The following SUN5 variants were observed in gnomAD, a reference collection of about 807,000 sequenced individuals.
The protein encoded by SUN5 is SUN domain-containing protein 5.
Under a neutral mutation model 53.7 loss-of-function variants are expected in SUN5, and 44 were observed. The observed-to-expected ratio is 0.82, with a 90% CI of 0.64 to 1.05. SUN5 has a LOEUF of 1.05. Ranked by LOEUF, SUN5 falls within the 50% of genes least tolerant of loss-of-function variation. The pLI is 0.00. For missense variants in SUN5, 433 were observed against 483.8 expected, an observed-to-expected ratio of 0.90 and a Z score of 0.98; for synonymous variants, 166 against 179.8, an observed-to-expected ratio of 0.92 and a Z score of 0.62.
chr20:33,001,349 C>G, intron 3 of SUN5, 71 bp from the exon 4 acceptor site: 1 of 1,525,090 alleles, frequency 6.6e-7, no homozygotes, highest in Non-Finnish European at 8.9e-7. Context: ...ACCTGCTGAC[C>G]TTTCTGGGGC....
intron 7 of SUN5, among the ~76,000 whole-genome samples, 189 bp from the exon 8 acceptor site, chr20:32,995,916 G>C (rs1989834972): frequency 6.6e-6 from 1 of 152,048 alleles, no homozygotes; most frequent in South Asian, 2.1e-4. Flanking sequence ...CTTTCTGCTT[G>C]GAATATCTTT....
At chr20:32,989,143 T>C (rs111442830) in intron 9 of SUN5, among the ~76,000 whole-genome samples, 2,675 of 152,054 alleles carry the variant, frequency 0.018, 73 homozygotes, top group African/African-American at 0.06. Flanking sequence ...GCCAGGATGG[T>C]CTCGATCTCC....
intron 8 of SUN5, 85 bp downstream of exon 8, chr20:32,995,534 C>A: frequency 8.4e-7 from 1 of 1,196,912 alleles, no homozygotes; most frequent in Non-Finnish European, 1.2e-6. Flanking sequence ...AGAGATAAAA[C>A]CAAGAAAGAA....
At chr20:32,991,457 A>G (rs73253084) in intron 8 of SUN5, among the ~76,000 whole-genome samples, 2,734 of 152,362 alleles carry the variant, frequency 0.018, 59 homozygotes, top group East Asian at 0.05. Context: ...TAAATTGACC[A>G]GAGTCACACA....
intron 6 of SUN5, among the ~76,000 whole-genome samples, chr20:32,996,567 T>C (rs1045149706): frequency 5.9e-5 from 9 of 152,084 alleles, no homozygotes; most frequent in Non-Finnish European, 1.0e-4. Flanking sequence ...TATCCATCCA[T>C]CCACACCTTC....
At position 32,983,829 on chromosome 20, in the gene SUN5, G is replaced by C. The variant is rs1989457635; in HGVS notation, c.1105C>G (p.Gln369Glu). The change falls in exon 13 of 13, where the codon CAG (glutamine) becomes GAG (glutamate). Residue 369 changes from glutamine (Q) to glutamate (E), a missense_variant. By Grantham distance (29) the Gln-to-Glu change is conservative. Coordinates refer to ENST00000356173, the MANE Select transcript of SUN5 (RefSeq NM_080675.4). ...VHGSVAPPREQPHQNPYPKRD is the reference protein window; with the variant it reads ...VHGSVAPPREEPHQNPYPKRD ...TTAGGGTAGGGGTTCTGGTGAGGCTGCTCTCTGGGCGGGGCCACAGAGCCA... is the reference window on the plus strand; with the variant it reads ...TTAGGGTAGGGGTTCTGGTGAGGCTCCTCTCTGGGCGGGGCCACAGAGCCA... 2 of 1,575,554 alleles carry C rather than the reference G, an allele frequency of 1.3e-6. No individual in the cohort carries two copies. Among genetic ancestry groups the C allele is most frequent in the Non-Finnish European group, 1.7e-6 (2 of 1,159,958 alleles).
Position 33,002,605 on chromosome 20 carries a change from A to C in SUN5, c.193T>G (p.Cys65Gly). 6.2e-7 allele frequency: 1 copy of C among 1,614,202 alleles called. No individual in the cohort carries two copies. ...TACGTACACACACATCCCAGCATGCACTGAGTCAGGCCTAGGGCTTGGTCA... is the reference window on the plus strand; with the variant it reads ...TACGTACACACACATCCCAGCATGCCCTGAGTCAGGCCTAGGGCTTGGTCA... Reference protein sequence around the residue: ...NNDQALGLTQCMLGCVSWFTC... With the variant: ...NNDQALGLTQGMLGCVSWFTC... Residue 65 changes from cysteine to glycine, a missense_variant, in exon 3 of 13, where the codon TGC becomes GGC. Transcript: ENST00000356173.
At chr20:32,987,968 A>G (rs1989594035) in intron 9 of SUN5, among the ~76,000 whole-genome samples, 193 bp from the exon 10 acceptor site, 1 of 151,926 alleles carries the variant, frequency 6.6e-6, no homozygotes, top group Non-Finnish European at 1.5e-5. Flanking sequence ...ATTTTATCTT[A>G]TATTTTTTGA....
At chr20:33,001,437 T>G (rs921997375) in intron 3 of SUN5, among the ~76,000 whole-genome samples, 159 bp from the exon 4 acceptor site, 1 of 152,100 alleles carries the variant, frequency 6.6e-6, no homozygotes. Flanking sequence ...TGCTTATGGG[T>G]ACGCACTAGC....
chr20:32,991,351 A>T (rs1989707725), intron 8 of SUN5, among the ~76,000 whole-genome samples: 1 of 152,248 alleles, frequency 6.6e-6, no homozygotes, highest in Non-Finnish European at 1.5e-5. Context: ...AGCACTCACC[A>T]TAGGACAGAC....
chr20:32,990,061 C>T (rs1250211680), intron 8 of SUN5, among the ~76,000 whole-genome samples: 18 of 152,174 alleles, frequency 1.2e-4, no homozygotes, highest in Admixed American at 9.8e-4. Flanking sequence ...GGACAATAAT[C>T]GTGTCTACCT....
chr20:32,983,775 T>A lies in SUN5; in HGVS notation c.*19A>T. ...GGCCAAAAGACACTCAGACTTGGTC[T>A]GGGGGTAAAGAATAAATTTTAATCT... is the stretch of plus-strand genomic sequence containing the variant. On this transcript the variant is annotated 3_prime_UTR_variant, in exon 13 of 13. Coordinates refer to ENST00000356173, the MANE Select transcript of SUN5 (RefSeq NM_080675.4). 2 of 1,448,044 alleles carry A rather than the reference T, an allele frequency of 1.4e-6. No individual in the cohort carries two copies. Among genetic ancestry groups the A allele is most frequent in the Non-Finnish European group, 1.8e-6 (2 of 1,092,970 alleles). 89.7% of individuals were successfully genotyped at this position (1,448,044 alleles called of 1,614,324 possible). A position where few individuals can be genotyped will look rare whatever the true frequency, so the allele number is the denominator to read the frequency against.
chr20:33,002,815 C>A lies in SUN5; in HGVS notation c.136+46G>T, dbSNP rs749839246. ...CCCGTTTGACATCCCTGAGCCTCAG[C>A]CCCTCAGCTGCCCATGAAAATACCA... On this transcript the variant is annotated intron_variant, in intron 2 of 12. Coordinates refer to ENST00000356173, the MANE Select transcript of SUN5 (RefSeq NM_080675.4). 9 of 1,612,034 alleles carry A rather than the reference C, an allele frequency of 5.6e-6. No homozygotes were observed. In the Admixed American group the frequency reaches 6.7e-5, roughly 12 times the overall value.
intron 6 of SUN5, among the ~76,000 whole-genome samples, chr20:32,996,981 T>C (rs1989868751): frequency 6.6e-6 from 1 of 152,182 alleles, no homozygotes; most frequent in African/African-American, 2.4e-5. Context: ...AGGACCTGGC[T>C]CCTTCCTTCA....
chr20:32,986,458 G>T (rs539487246), intron 10 of SUN5, among the ~76,000 whole-genome samples: 232 of 152,296 alleles, frequency 1.5e-3, no homozygotes, highest in Non-Finnish European at 2.7e-3. Flanking sequence ...ACCCAGGAAA[G>T]GCGATTACTC....
intron 3 of SUN5, among the ~76,000 whole-genome samples, chr20:33,001,519 C>CTTTCTTTCTTTCTTTTT (rs68051515): frequency 8.2e-6 from 1 of 121,324 alleles, no homozygotes; most frequent in African/African-American, 3.5e-5. Flanking sequence ...TTCTTTCTTT[C>CTTTCTTTCTTTCTTTTT]TTCTTTCTTT....
chr20:32,997,427 G>A (rs1443185043), intron 6 of SUN5, among the ~76,000 whole-genome samples: 1 of 152,124 alleles, frequency 6.6e-6, no homozygotes, highest in East Asian at 1.9e-4. Flanking sequence ...TCTTGGAGGA[G>A]GGACTATTGC....
At chr20:33,000,953 G>T (rs959779696) in intron 4 of SUN5, among the ~76,000 whole-genome samples, 1 of 152,134 alleles carries the variant, frequency 6.6e-6, no homozygotes, top group African/African-American at 2.4e-5. Flanking sequence ...TGGCCCAATG[G>T]GTCCCTGGCA....
In SUN5 at chr20:32,993,793, T is replaced by A. The variant is rs530431705; in HGVS notation, c.534+1826A>T. Among the ~76,000 whole-genome samples, 37 of 152,278 alleles carry A rather than the reference T, an allele frequency of 2.4e-4. No individual in the cohort carries two copies. The South Asian group carries it at 6.6e-3, about 27-fold the overall frequency. ...TCTTCAGAGCCTCTGATTCAGAAGG[T>A]CTGAGTGAGGCCTATTAATTCGAAT... On this transcript the variant is annotated intron_variant, in intron 8 of 12. Transcript: ENST00000356173.
Sources: gnomAD v4.1 joint callset for allele counts (sites outside exome capture counted in the v4.1 genomes callset) on GRCh38, gnomAD v4.1.1 for gene constraint, MANE v1.5 for transcripts, NCBI Gene and HGNC (gene_info 2026-07-23, HGNC 2026-07-21) for gene names.